PPP2R5C: variants seen among roughly 807,000 people sequenced by gnomAD.
PPP2R5C encodes protein phosphatase 2 regulatory subunit B'gamma.
A neutral mutation model predicts 68.9 loss-of-function variants in PPP2R5C; 7 were observed. The observed-to-expected ratio is 0.10, with a 90% CI of 0.06 to 0.19. The LOEUF (loss-of-function observed/expected upper bound fraction) is 0.19. PPP2R5C is among the 10% of genes least tolerant of loss of function. The pLI is 1.00. For synonymous variants in PPP2R5C, 210 were observed against 222.2 expected, an observed-to-expected ratio of 0.95 and a Z score of 0.49; for missense variants, 348 against 641.3, an observed-to-expected ratio of 0.54 and a Z score of 4.94.
rs143098620 is a variant in PPP2R5C at position 101,847,195 on chromosome 14, A to G, written c.95-9491A>G. 3.3e-3 allele frequency among the ~76,000 whole-genome samples: 497 copies of G among 152,310 alleles called. 2 individuals are homozygous for G. Among genetic ancestry groups the G allele is most frequent in the African/African-American group, 0.011 (460 of 41,552 alleles). Reference sequence around the variant, plus strand: ...TTAGATGCTGAGGATAAAAATGGTAAAAAGACAAAGTTCTCCTCTGAGAAA... The same window carrying G: ...TTAGATGCTGAGGATAAAAATGGTAGAAAGACAAAGTTCTCCTCTGAGAAA... On this transcript the variant is annotated intron_variant, in intron 1 of 13. Transcript: ENST00000334743.
At chr14:101,793,242 T>C (rs766373737) in intron 3 of PPP2R5C, among the ~76,000 whole-genome samples, 17 of 152,360 alleles carry the variant, frequency 1.1e-4, no homozygotes, top group Middle Eastern at 3.4e-3. Context: ...AACCAAAATC[T>C]GGGTCAGAGG....
In PPP2R5C at chr14:101,797,402, C is replaced by T; in HGVS notation, c.259+11219C>T. On this transcript the variant is annotated intron_variant, in intron 3 of 14. Transcript: ENST00000328724. The surrounding 1 kb of genome is among the most constrained non-coding windows in gnomAD (Gnocchi z 4.2). ...TGCGTGCTTGTCTGCCTGTGTCATC[C>T]ATTCGAGCATCTGCCAAGGACCCAG... 2.4e-6 allele frequency: 1 copy of T among 421,080 alleles called. No homozygotes were observed. Among genetic ancestry groups the T allele is most frequent in the East Asian group, 7.2e-5 (1 of 13,982 alleles). 26.1% of individuals were successfully genotyped at this position (421,080 alleles called of 1,614,324 possible). A position where few individuals can be genotyped will look rare whatever the true frequency, so the allele number is the denominator to read the frequency against.
chr14:101,768,166 G>C (rs901070361), intron 2 of PPP2R5C, among the ~76,000 whole-genome samples: 1 of 152,158 alleles, frequency 6.6e-6, no homozygotes, highest in East Asian at 1.9e-4. Flanking sequence ...GACATTGTCT[G>C]GACATTGTCT....
At chr14:101,810,672 C>A (rs1170255479) in intron 1 of PPP2R5C, among the ~76,000 whole-genome samples, 1 of 152,156 alleles carries the variant, frequency 6.6e-6, no homozygotes, top group East Asian at 1.9e-4. Flanking sequence ...TTTAAATAGG[C>A]TCTGTGTTGC....
At chr14:101,887,832 T>C (rs2044626660) in intron 5 of PPP2R5C, among the ~76,000 whole-genome samples, 1 of 152,084 alleles carries the variant, frequency 6.6e-6, no homozygotes, top group Non-Finnish European at 1.5e-5. Context: ...TTAGAATCCT[T>C]TCTGGAGACT....
chr14:101,919,986 AAAAAAAC>A (rs1353619244), intron 13 of PPP2R5C, among the ~76,000 whole-genome samples: 2 of 151,800 alleles, frequency 1.3e-5, no homozygotes, highest in African/African-American at 4.8e-5. Context: ...AAAAAAAAAA[AAAAAAAC>A]CAATTCTTAC....
In PPP2R5C at chr14:101,797,262, TG is replaced by T. The variant is rs1174934146; in HGVS notation, c.259+11080del. The stretch of plus-strand genomic sequence containing the variant: ...GACCCTCGCTCCCGTCGAAGGCTGA[TG>T]CCATCCTTCAGTGATGTGTGGACGG... On this transcript the variant is annotated intron_variant, in intron 3 of 14. Coordinates refer to the PPP2R5C transcript ENST00000328724. The surrounding 1 kb of genome is among the most constrained non-coding windows in gnomAD (Gnocchi z 4.2). 3 of 455,980 alleles carry T rather than the reference TG, an allele frequency of 6.6e-6. No homozygotes were observed. The highest frequency in any genetic ancestry group is 6.0e-5 in the African/African-American group (3 of 50,072). 28.2% of individuals were successfully genotyped at this position (455,980 alleles called of 1,614,324 possible). A position where few individuals can be genotyped will look rare whatever the true frequency, so the allele number is the denominator to read the frequency against.
intron 2 of PPP2R5C, among the ~76,000 whole-genome samples, chr14:101,866,745 A>G (rs1442060547): frequency 3.3e-5 from 5 of 152,196 alleles, no homozygotes; most frequent in Admixed American, 6.6e-5. Flanking sequence ...TTTGGGTGGT[A>G]TCATTAATTT....
chr14:101,834,487 T>C (rs1374661130), intron 1 of PPP2R5C, among the ~76,000 whole-genome samples: 3 of 152,250 alleles, frequency 2.0e-5, no homozygotes, highest in Admixed American at 2.0e-4. Flanking sequence ...AGGAGGCATT[T>C]TCCTCTTGTG....
chr14:101,819,380 T>C (rs1002023765), intron 1 of PPP2R5C: 2 of 311,640 alleles, frequency 6.4e-6, no homozygotes, highest in Admixed American at 4.4e-5. Context: ...TACCTCTCAC[T>C]GTGTGGACGT....
intron 2 of PPP2R5C, among the ~76,000 whole-genome samples, chr14:101,873,006 C>G (rs1320439112): frequency 6.7e-6 from 1 of 149,158 alleles, no homozygotes; most frequent in Non-Finnish European, 1.5e-5. Flanking sequence ...CATGTCTATT[C>G]TGTTAATTTT....
chr14:101,831,641 C>A, intron 1 of PPP2R5C: 1 of 637,890 alleles, frequency 1.6e-6, no homozygotes, highest in East Asian at 2.8e-5. Context: ...GACCCTTGAA[C>A]GTCACAAGTT....
At chr14:101,775,732 G>A (rs547917376) in intron 2 of PPP2R5C, among the ~76,000 whole-genome samples, 1 of 152,168 alleles carries the variant, frequency 6.6e-6, no homozygotes, top group Non-Finnish European at 1.5e-5. Context: ...ACCTACCCTG[G>A]CTAGGAACCT....
At chr14:101,921,988 T>G (rs1233690906) in intron 13 of PPP2R5C, 1 of 985,204 alleles carries the variant, frequency 1.0e-6, no homozygotes, top group Non-Finnish European at 1.2e-6. Context: ...TAACAGTTGG[T>G]CGGGAGAAAA....
chr14:101,873,224 T>G (rs2144986), intron 2 of PPP2R5C, among the ~76,000 whole-genome samples: 56,481 of 152,022 alleles, frequency 0.37, 12,818 homozygotes, highest in African/African-American at 0.64. Flanking sequence ...ATTTGTGTCA[T>G]TTCAGTTTAG....
rs142003855 is a variant in PPP2R5C at position 101,880,229 on chromosome 14, T to C, written c.295-1932T>C. Among the ~76,000 whole-genome samples the C allele has an allele frequency of 8.4e-4, 128 of 152,368 alleles. 1 individual carries two copies. The highest frequency in any genetic ancestry group is 2.9e-3 in the African/African-American group (119 of 41,592). ...TTTAGATTGCAAACTTTTGTCTTTG[T>C]ACCTATGTCTTAGGAACATTACTCA... On this transcript the variant is annotated intron_variant, in intron 2 of 13. Coordinates refer to ENST00000334743, the Ensembl canonical transcript of PPP2R5C.
At position 101,913,652 on chromosome 14, in the gene PPP2R5C, T is replaced by G. The variant is rs2046504486; in HGVS notation, c.1326+1179T>G. 6.6e-6 allele frequency among the ~76,000 whole-genome samples: 1 copy of G among 152,246 alleles called. No individual in the cohort carries two copies. The highest frequency in any genetic ancestry group is 1.5e-5 in the Non-Finnish European group (1 of 68,036). On this transcript the variant is annotated intron_variant, in intron 12 of 13. Transcript: ENST00000334743. This position sits in a 1 kb window ranked among gnomAD's most constrained non-coding sequence, Gnocchi z 4.1. ...GTCTCCTTTTAACGAATTGAATTTA[T>G]GTTGAAAGTGTGGTTAAAATACTGA...
At chr14:101,804,113 A>C (rs2038980477) in intron 3 of PPP2R5C, among the ~76,000 whole-genome samples, 1 of 152,252 alleles carries the variant, frequency 6.6e-6, no homozygotes. Context: ...AAACAGGCCT[A>C]TGAAAAGGTG....
Position 101,866,633 on chromosome 14 carries a change from G to A in PPP2R5C, c.294+9748G>A, listed in dbSNP as rs576952903. On this transcript the variant is annotated intron_variant, in intron 2 of 13. Transcript: ENST00000334743. Reference sequence around the variant, plus strand: ...TGCAGTGAGCCAAGATCACGCTACTGTGCTCCAACCTGACGGACAGAGCAA... The same window carrying A: ...TGCAGTGAGCCAAGATCACGCTACTATGCTCCAACCTGACGGACAGAGCAA... Among the ~76,000 whole-genome samples, 5 of 152,128 alleles carry A rather than the reference G, an allele frequency of 3.3e-5. No individual in the cohort carries two copies. The East Asian group carries it at 7.8e-4, about 24-fold the overall frequency.
Sources: allele counts gnomAD v4.1 joint callset (sites outside exome capture counted in the v4.1 genomes callset), GRCh38; gene constraint gnomAD v4.1.1; non-coding constraint Gnocchi (gnomAD v3.1); transcripts MANE v1.5; gene names NCBI Gene and HGNC (gene_info 2026-07-23, HGNC 2026-07-21).